Variants in BICRA observed in about 807,000 individuals in gnomAD.
BICRA encodes BRD4 interacting chromatin remodeling complex associated protein, also known as BRD4-interacting chromatin-remodeling complex-associated protein.
BICRA carries 31 observed loss-of-function variants against 96.9 expected under a neutral mutation model. The ratio of observed to expected loss-of-function variants is 0.32; its 90% CI spans 0.24 to 0.43. The LOEUF (loss-of-function observed/expected upper bound fraction) is 0.43. Among genes scored for constraint, BICRA ranks in the 20% least tolerant of loss-of-function variants. The probability of loss-of-function intolerance (pLI) is 1.00; values close to 1 mark genes in which losing one functional copy is unlikely to be tolerated. For synonymous variants in BICRA, 1,350 were observed against 1,071.8 expected (o/e 1.26, Z -5.07); for missense variants, 2,283 against 2,190.3 (o/e 1.04, Z -0.84).
intron 1 of BICRA, among the ~76,000 whole-genome samples, chr19:47,657,699 G>C (rs1014645898): frequency 6.6e-6 from 1 of 152,134 alleles, no homozygotes; most frequent in Non-Finnish European, 1.5e-5. Flanking sequence ...CCCGGCTGCT[G>C]TGAAAATTTT....
At chr19:47,672,136 A>ATGGAAGGATGGAGCATGGGTAGG (rs1972875685) in intron 2 of BICRA, among the ~76,000 whole-genome samples, 1 of 131,362 alleles carries the variant, frequency 7.6e-6, no homozygotes, top group Non-Finnish European at 1.6e-5. Context: ...AGGTAGATGG[A>ATGGAAGGATGGAGCATGGGTAGG]TGGAAGGATG....
chr19:47,615,501 G>C (rs1194415986), intron 1 of BICRA, among the ~76,000 whole-genome samples: 1 of 152,192 alleles, frequency 6.6e-6, no homozygotes, highest in East Asian at 1.9e-4. Flanking sequence ...CCTGCCTGTT[G>C]GTTCTAATCC....
At chr19:47,656,184 G>A (rs1363797987) in intron 1 of BICRA, among the ~76,000 whole-genome samples, 1 of 151,926 alleles carries the variant, frequency 6.6e-6, no homozygotes, top group Non-Finnish European at 1.5e-5. Context: ...ACATGAGCCT[G>A]GAAGGTCAAG....
In BICRA at chr19:47,702,488, T is replaced by C; in HGVS notation, c.*73T>C. ...GACAGTCGGGTGTCCGCCCTCAGCCTCCTGGGGACTCGAGCCGGGGATCCC... is the reference window on the plus strand; with the variant it reads ...GACAGTCGGGTGTCCGCCCTCAGCCCCCTGGGGACTCGAGCCGGGGATCCC... On this transcript the variant is annotated 3_prime_UTR_variant, in exon 15 of 15. Transcript: ENST00000594866. 4.3e-6 allele frequency: 6 copies of C among 1,387,010 alleles called. No homozygotes were observed. Among genetic ancestry groups the C allele is most frequent in the Non-Finnish European group, 5.6e-6 (6 of 1,077,960 alleles). 85.9% of individuals were successfully genotyped at this position (1,387,010 alleles called of 1,614,324 possible). A position where few individuals can be genotyped will look rare whatever the true frequency, so the allele number is the denominator to read the frequency against.
chr19:47,674,581 C>T (rs61105554), intron 4 of BICRA, among the ~76,000 whole-genome samples: 6 of 151,942 alleles, frequency 3.9e-5, no homozygotes, highest in Non-Finnish European at 7.4e-5. Flanking sequence ...CAGCTTAGCT[C>T]GGTGGTTCAG....
In BICRA at chr19:47,680,466, C is replaced by T. The variant is rs552065840; in HGVS notation, c.1296C>T (p.Thr432=). The change falls in exon 6 of 15, where the codon ACC becomes ACT. Residue 432 remains threonine, a synonymous_variant. Coordinates refer to ENST00000594866, the MANE Select transcript of BICRA (RefSeq NM_001394372.1). The part of the protein sequence containing the change: ...NVFKQPPATT[T]GAAPPQPPGA... ...TCAAGCAGCCACCGGCCACCACCAC[C>T]GGAGCGGCCCCGCCGCAGCCCCCCG... 2.6e-6 allele frequency: 4 copies of T among 1,540,186 alleles called. No homozygotes were observed. Among genetic ancestry groups the T allele is most frequent in the South Asian group, 2.4e-5 (2 of 83,966 alleles).
In BICRA at chr19:47,702,055, G is replaced by C; in HGVS notation, c.4323G>C (p.Gln1441His). 2 of 1,510,244 alleles carry C rather than the reference G, an allele frequency of 1.3e-6. No homozygotes were observed. Among genetic ancestry groups the C allele is most frequent in the Non-Finnish European group, 1.8e-6 (2 of 1,137,796 alleles). The allele number at this position is 1,510,244 out of a possible 1,614,324, so 93.6% of individuals were successfully genotyped here. ...CGGCCGTGGAGGACGAGCTGTACCA[G>C]CGTATGCTGAAGGGCCCCCCGCCAG... Reference protein sequence around the residue: ...ELAAVEDELYQRMLKGPPPEP... With the variant: ...ELAAVEDELYHRMLKGPPPEP... Residue 1441 changes from glutamine to histidine, a missense_variant, in exon 15 of 15, where the codon CAG (glutamine) becomes CAC (histidine). Coordinates refer to ENST00000594866, the MANE Select transcript of BICRA (RefSeq NM_001394372.1).
At chr19:47,642,971 A>G (rs906801334) in intron 1 of BICRA, among the ~76,000 whole-genome samples, 1 of 152,178 alleles carries the variant, frequency 6.6e-6, no homozygotes, top group African/African-American at 2.4e-5. Flanking sequence ...CTCATTTTAA[A>G]TTGGATCATT....
At chr19:47,674,284 TG>T (rs1972909425) in intron 4 of BICRA, among the ~76,000 whole-genome samples, 1 of 100,592 alleles carries the variant, frequency 9.9e-6, no homozygotes, top group Admixed American at 1.1e-4. Context: ...TAGTAGGAGG[TG>T]AGACTGTAGT....
In BICRA at chr19:47,679,626, G is replaced by A. The variant is rs1972997088; in HGVS notation, c.456G>A (p.Val152=). 1.3e-6 allele frequency: 2 copies of A among 1,514,542 alleles called. No individual in the cohort carries two copies. Among genetic ancestry groups the A allele is most frequent in the Admixed American group, 2.2e-5 (1 of 46,350 alleles). 93.8% of individuals were successfully genotyped at this position (1,514,542 alleles called of 1,614,324 possible). A position where few individuals can be genotyped will look rare whatever the true frequency, so the allele number is the denominator to read the frequency against. ...GPTGAGGAAA[V]AAGPQALFPG... ...CGGGCGCTGGAGGGGCAGCGGCCGT[G>A]GCTGCGGGGCCCCAAGCCCTCTTCC... Residue 152 remains valine (V), a synonymous_variant, in exon 6 of 15, where the codon GTG becomes GTA. Coordinates refer to ENST00000594866, the MANE Select transcript of BICRA (RefSeq NM_001394372.1).
At chr19:47,627,873 G>A (rs1043015191) in intron 1 of BICRA, among the ~76,000 whole-genome samples, 14 of 152,098 alleles carry the variant, frequency 9.2e-5, no homozygotes, top group Admixed American at 6.6e-5. Flanking sequence ...GGGTTCAAGC[G>A]ATTCTTCTGC....
Position 47,679,467 on chromosome 19 carries a change from G to C in BICRA, c.297G>C (p.Gln99His), listed in dbSNP as rs976650091. The C allele has an allele frequency of 1.2e-5, 18 of 1,530,664 alleles. No individual in the cohort carries two copies. The highest frequency in any genetic ancestry group is 1.5e-5 in the Non-Finnish European group (17 of 1,138,646). 94.8% of individuals were successfully genotyped at this position (1,530,664 alleles called of 1,614,324 possible). The change falls in exon 6 of 15, where the codon CAG becomes CAC. Residue 99 changes from glutamine to histidine, a missense_variant. Physicochemically the swap from Gln to His is conservative, Grantham distance 24. Coordinates refer to ENST00000594866, the MANE Select transcript of BICRA (RefSeq NM_001394372.1). ...GGGGGSGGAD[Q>H]PCDILQQSLQ... Reference sequence around the variant, plus strand: ...GCGGGGGCAGTGGGGGCGCTGACCAGCCCTGTGACATCCTCCAGCAGAGCC... The same window carrying C: ...GCGGGGGCAGTGGGGGCGCTGACCACCCCTGTGACATCCTCCAGCAGAGCC...
intron 11 of BICRA, among the ~76,000 whole-genome samples, chr19:47,697,667 G>A (rs990486674): frequency 3.3e-5 from 5 of 151,872 alleles, no homozygotes; most frequent in African/African-American, 7.3e-5. Flanking sequence ...TAGTAGAGAC[G>A]GGGTTTCATT....
Position 47,682,157 on chromosome 19 carries a change from A to G in BICRA, c.2283+5A>G. On this transcript the variant is annotated splice_donor_5th_base_variant and intron_variant, in intron 7 of 14. Transcript: ENST00000594866. The stretch of plus-strand genomic sequence containing the variant: ...TCCCCGGCTCCGGCCCCCCAGGTAG[A>G]GGGACCCCAGCAGCCTGTGTCCGCA... 1 of 1,372,856 alleles carries G rather than the reference A, an allele frequency of 7.3e-7. No homozygotes were observed. Among genetic ancestry groups the G allele is most frequent in the Non-Finnish European group, 1.0e-6 (1 of 1,003,434 alleles). The allele number at this position is 1,372,856 out of a possible 1,614,324, so 85.0% of individuals were successfully genotyped here. A position where few individuals can be genotyped will look rare whatever the true frequency, so the allele number is the denominator to read the frequency against.
chr19:47,633,207 G>A (rs1001294799), intron 1 of BICRA, among the ~76,000 whole-genome samples: 2 of 148,698 alleles, frequency 1.3e-5, no homozygotes, highest in African/African-American at 5.0e-5. Flanking sequence ...CAGCCTCCAA[G>A]TAGCTGGGAT....
chr19:47,625,792 G>A (rs1972130983), intron 1 of BICRA, among the ~76,000 whole-genome samples: 1 of 152,154 alleles, frequency 6.6e-6, no homozygotes, highest in Middle Eastern at 3.4e-3. Flanking sequence ...TTGGGAAAGC[G>A]TTCAGGAGGC....
At chr19:47,673,525 C>G in intron 2 of BICRA, 45 bp from the exon 3 acceptor site, 1 of 1,561,504 alleles carries the variant, frequency 6.4e-7, no homozygotes, top group Non-Finnish European at 8.8e-7. Context: ...CTGCCAAAAT[C>G]TAACCTTGTC....
rs369756180 is a variant in BICRA at position 47,639,429 on chromosome 19, C to G, written c.-108+30261C>G. On this transcript the variant is annotated intron_variant, in intron 1 of 14. Coordinates refer to ENST00000594866, the MANE Select transcript of BICRA (RefSeq NM_001394372.1). The stretch of plus-strand genomic sequence containing the variant: ...GCAAGCTCCACCTCCCGGGTTGACA[C>G]CATTCTTCTGCCTCAGCCTCCCGAG... 4.1e-5 allele frequency among the ~76,000 whole-genome samples: 6 copies of G among 147,504 alleles called. No individual in the cohort carries two copies. The East Asian group carries it at 1.2e-3, about 30-fold the overall frequency.
chr19:47,667,584 C>G (rs1400855949), intron 1 of BICRA, among the ~76,000 whole-genome samples: 1 of 152,134 alleles, frequency 6.6e-6, no homozygotes, highest in Non-Finnish European at 1.5e-5. Flanking sequence ...CAGGCAGGAA[C>G]AGGGCACCCG....
Sources: allele counts gnomAD v4.1 joint callset (sites outside exome capture counted in the v4.1 genomes callset), GRCh38; gene constraint gnomAD v4.1.1; transcripts MANE v1.5; gene names NCBI Gene and HGNC (gene_info 2026-07-23, HGNC 2026-07-21).